Variants in C12orf42 observed in about 807,000 individuals in gnomAD.
C12orf42 encodes the protein chromosome 12 open reading frame 42, also known as uncharacterized protein C12orf42.
A neutral mutation model predicts 21.6 loss-of-function variants in C12orf42; 25 were observed. The ratio of observed to expected loss-of-function variants is 1.16; its 90% CI spans 0.84 to 1.62. The LOEUF (loss-of-function observed/expected upper bound fraction) is 1.62. Ranked by LOEUF, C12orf42 falls within the 40% of genes most tolerant of loss-of-function variation. The pLI is 0.00. For synonymous variants in C12orf42, 174 were observed against 175.0 expected (o/e 0.99, Z 0.05); for missense variants, 483 against 459.3 (o/e 1.05, Z -0.47).
At chr12:103,519,815 T>C in the C12orf42 span, among the ~76,000 whole-genome samples, 1 of 152,074 alleles carries the variant, frequency 6.6e-6, no homozygotes, top group Non-Finnish European at 1.5e-5. Context: ...AGTCAGGAAA[T>C]TCCAGAAACC....
Position 103,306,050 on chromosome 12 carries a change from CAGGTGAACAGGATTTACTG to C in C12orf42, c.536_554del (p.Ser179TrpfsTer19), listed in dbSNP as rs1359950255. 1 of 1,613,996 alleles carries C rather than the reference CAGGTGAACAGGATTTACTG, an allele frequency of 6.2e-7. No homozygotes were observed. The highest frequency in any genetic ancestry group is 2.2e-5 in the East Asian group (1 of 44,888). ...TACTGATGTGTATGCCCTGAGCCTC[CAGGTGAACAGGATTTACTG>C]AGTGTGCCCAGTTAGGCTTTTTAAC... On this transcript the variant is annotated frameshift_variant, in exon 5 of 6. Transcript: ENST00000548883. LOFTEE classifies it high-confidence loss of function.
At chr12:103,507,363 C>A in the C12orf42 span, among the ~76,000 whole-genome samples, 1 of 132,796 alleles carries the variant, frequency 7.5e-6, no homozygotes. Flanking sequence ...AGGGATTGGG[C>A]AGGGGGGCAT....
At chr12:103,058,933 G>A in the C12orf42 span, among the ~76,000 whole-genome samples, 2 of 151,994 alleles carry the variant, frequency 1.3e-5, no homozygotes, top group African/African-American at 2.4e-5. Flanking sequence ...AGAGAAACAA[G>A]AGCAAACTCA....
At chr12:103,553,433 A>C in the C12orf42 span, among the ~76,000 whole-genome samples, 1 of 152,168 alleles carries the variant, frequency 6.6e-6, no homozygotes, top group East Asian at 1.9e-4. Flanking sequence ...TTCTCTGAGC[A>C]ACACAGTCTA....
At chr12:103,066,420 A>G in the C12orf42 span, among the ~76,000 whole-genome samples, 588 of 152,298 alleles carry the variant, frequency 3.9e-3, 3 homozygotes, top group African/African-American at 0.013. Context: ...TCCTGCACCA[A>G]TGGCCTTAGG....
the C12orf42 span, among the ~76,000 whole-genome samples, chr12:103,210,582 C>T: frequency 1.0e-4 from 15 of 145,720 alleles, no homozygotes; most frequent in South Asian, 1.1e-3. Flanking sequence ...ATTTCATGAA[C>T]ACTGTTCTTC....
chr12:103,507,521 G>T, the C12orf42 span, among the ~76,000 whole-genome samples: 2 of 148,882 alleles, frequency 1.3e-5, no homozygotes, highest in Non-Finnish European at 3.0e-5. Flanking sequence ...AAAAAAAATT[G>T]TTTTTTATTT....
intron 3 of C12orf42, among the ~76,000 whole-genome samples, chr12:103,395,975 G>C (rs1176904883): frequency 6.8e-6 from 1 of 147,606 alleles, no homozygotes; most frequent in Admixed American, 6.8e-5. Flanking sequence ...TTTATATACT[G>C]TTATGGTATA....
chr12:103,501,312 G>A, the C12orf42 span, among the ~76,000 whole-genome samples: 1 of 152,222 alleles, frequency 6.6e-6, no homozygotes, highest in South Asian at 2.1e-4. Flanking sequence ...GAAGATCAGA[G>A]TAGCAATGGT....
At chr12:103,232,531 A>C in the C12orf42 span, among the ~76,000 whole-genome samples, 149 of 152,196 alleles carry the variant, frequency 9.8e-4, no homozygotes, top group Middle Eastern at 3.4e-3. Flanking sequence ...ACACACGGTG[A>C]AATCCCATGT....
chr12:103,103,048 T>C, the C12orf42 span, among the ~76,000 whole-genome samples: 1 of 152,206 alleles, frequency 6.6e-6, no homozygotes, highest in Non-Finnish European at 1.5e-5. Flanking sequence ...CTGACTTTCA[T>C]CTTTCCTCCA....
the C12orf42 span, among the ~76,000 whole-genome samples, chr12:103,072,591 A>G: frequency 6.6e-6 from 1 of 152,258 alleles, no homozygotes; most frequent in East Asian, 1.9e-4. Flanking sequence ...TATCTAAGCT[A>G]TTAGAAAGTG....
At chr12:103,294,804 A>G (rs2037142329) in intron 4 of C12orf42, among the ~76,000 whole-genome samples, 1 of 152,182 alleles carries the variant, frequency 6.6e-6, no homozygotes, top group African/African-American at 2.4e-5. Flanking sequence ...CAGGCTTGTT[A>G]CATAGGTAAA....
At chr12:103,068,150 T>C in the C12orf42 span, among the ~76,000 whole-genome samples, 18 of 152,218 alleles carry the variant, frequency 1.2e-4, no homozygotes, top group African/African-American at 4.1e-4. Flanking sequence ...GACCACATGA[T>C]CAGCTGCAGA....
Position 103,478,368 on chromosome 12 carries a change from G to A in C12orf42, c.59C>T (p.Pro20Leu), listed in dbSNP as rs764626876. 1.9e-6 allele frequency: 3 copies of A among 1,602,332 alleles called. No individual in the cohort carries two copies. Among genetic ancestry groups the A allele is most frequent in the African/African-American group, 2.7e-5 (2 of 74,666 alleles). ...CATTACCTGCATCCTGTTTGCAAAA[G>A]GTCTGATGGTTAGCAAGAATTCTTC... The part of the protein sequence containing the change: ...REEEFLLTIR[P>L]FANRMQKSPC... Residue 20 changes from proline (P) to leucine (L), a missense_variant, in exon 2 of 6, where the codon CCT (proline) becomes CTT (leucine). Physicochemically the swap from Pro to Leu is moderately conservative, Grantham distance 98 (BLOSUM62 -3). Coordinates refer to ENST00000548883, the MANE Select transcript of C12orf42 (RefSeq NM_198521.5).
intron 2 of C12orf42, among the ~76,000 whole-genome samples, chr12:103,428,232 AAAG>A (rs1949997342): frequency 6.6e-6 from 1 of 152,156 alleles, no homozygotes; most frequent in Non-Finnish European, 1.5e-5. Flanking sequence ...CCAGACTAAT[AAAG>A]AAGAAAAAAG....
At chr12:103,221,221 A>G in the C12orf42 span, among the ~76,000 whole-genome samples, 1 of 152,260 alleles carries the variant, frequency 6.6e-6, no homozygotes, top group Non-Finnish European at 1.5e-5. Context: ...TGAGAACTCT[A>G]TCAACACTTG....
the C12orf42 span, among the ~76,000 whole-genome samples, chr12:103,103,888 C>T: frequency 2.6e-5 from 4 of 151,770 alleles, no homozygotes; most frequent in Non-Finnish European, 4.4e-5. Context: ...GCAACCTCCG[C>T]CTCCCAGGTT....
chr12:103,062,651 T>C, the C12orf42 span, among the ~76,000 whole-genome samples: 1 of 152,218 alleles, frequency 6.6e-6, no homozygotes, highest in Non-Finnish European at 1.5e-5. Context: ...TCTTTGTTCA[T>C]TTGCTGCTTT....
Sources: gnomAD v4.1 joint callset for allele counts (sites outside exome capture counted in the v4.1 genomes callset) on GRCh38, gnomAD v4.1.1 for gene constraint, MANE v1.5 for transcripts, NCBI Gene and HGNC (gene_info 2026-07-23, HGNC 2026-07-21) for gene names.